The following WDR62 variants were observed in gnomAD, a reference collection of about 807,000 sequenced individuals.
WDR62 encodes the protein WD repeat domain 62.
In WDR62, 112 loss-of-function variants were observed where a neutral mutation model predicts 160.6. The ratio of observed to expected loss-of-function variants is 0.70; its 90% confidence interval spans 0.60 to 0.82. WDR62 has a LOEUF of 0.82. WDR62 is among the 40% of genes least tolerant of loss of function. The pLI, the probability that WDR62 is intolerant of heterozygous loss-of-function variation, is 0.00. For missense variants in WDR62, 1,819 were observed against 1,983.8 expected, an observed-to-expected ratio of 0.92 and a Z score of 1.58; for synonymous variants, 792 against 815.1, an observed-to-expected ratio of 0.97 and a Z score of 0.48.
At chr19:36,088,892 C>A in intron 13 of WDR62, 146 bp from the exon 14 acceptor site, 2 of 882,254 alleles carry the variant, frequency 2.3e-6, no homozygotes, top group Non-Finnish European at 3.6e-6. Flanking sequence ...CAGAGTCCCA[C>A]CCAGACCCAG....
chr19:36,090,840 AG>A lies in WDR62; in HGVS notation c.2034+326del, dbSNP rs554805485. On this transcript the variant is annotated intron_variant, in intron 16 of 31. Transcript: ENST00000401500. ...CACCAGCCACGGGTCACTCAGGACA[AG>A]GGGGGACCTTCTCAGAGCCTCTGGT... 3.0e-4 allele frequency among the ~76,000 whole-genome samples: 46 copies of A among 152,280 alleles called. 1 individual carries two copies. The South Asian group carries it at 9.1e-3, about 30-fold the overall frequency.
At chr19:36,108,926 T>C (rs1380969207), downstream of WDR62, among the ~76,000 whole-genome samples, 1 of 151,516 alleles carries the variant, frequency 6.6e-6, no homozygotes, top group Non-Finnish European at 1.5e-5. Context: ...GGCCCCATGC[T>C]AAGCATTCTC....
At chr19:36,084,096 C>G (rs1972063002) in intron 11 of WDR62, among the ~76,000 whole-genome samples, 1 of 152,108 alleles carries the variant, frequency 6.6e-6, no homozygotes, top group Non-Finnish European at 1.5e-5. Context: ...ACTGTGTTGA[C>G]TGATTTAATC....
intron 15 of WDR62, 21 bp from the exon 16 acceptor site, chr19:36,090,424 A>C: frequency 6.2e-7 from 1 of 1,613,812 alleles, no homozygotes; most frequent in Non-Finnish European, 8.5e-7. Context: ...TGTTGGCCGC[A>C]ACATGCCCCT....
chr19:36,063,684 C>T (rs1438103911), intron 3 of WDR62, among the ~76,000 whole-genome samples: 1 of 152,208 alleles, frequency 6.6e-6, no homozygotes, highest in Admixed American at 6.5e-5. Context: ...GTGCTGTGTT[C>T]TTCCTGGTGC....
chr19:36,076,609 T>A (rs1477953879), intron 9 of WDR62, among the ~76,000 whole-genome samples: 1 of 151,514 alleles, frequency 6.6e-6, no homozygotes, highest in Non-Finnish European at 1.5e-5. Flanking sequence ...TTTTTTTTAG[T>A]ACAAATTGGG....
Position 36,103,840 on chromosome 19 carries a change from A to C in WDR62, c.4012A>C (p.Arg1338=), listed in dbSNP as rs142105341. 110 of 1,605,100 alleles carry C rather than the reference A, an allele frequency of 6.9e-5. No homozygotes were observed. In the African/African-American group the frequency reaches 1.3e-3, roughly 18 times the overall value. ...TAGCCCTGTGGAAGAGAGCGCCCTG[A>C]GGCTCCACGGCTCTGCCTTTCGCCC... ...APSPVEESAL[R]LHGSAFRPSL... Residue 1338 remains arginine (R), a synonymous_variant, in exon 30 of 32, where the codon AGG becomes CGG. Transcript: ENST00000401500.
downstream of WDR62, among the ~76,000 whole-genome samples, chr19:36,106,560 C>G (rs1234745095): frequency 6.6e-6 from 1 of 152,016 alleles, no homozygotes; most frequent in Non-Finnish European, 1.5e-5. Flanking sequence ...GAAGGCCTTT[C>G]GAGGTGACAT....
At chr19:36,058,464 C>T (rs183823791) in intron 1 of WDR62, among the ~76,000 whole-genome samples, 1 of 152,288 alleles carries the variant, frequency 6.6e-6, no homozygotes, top group Non-Finnish European at 1.5e-5. Flanking sequence ...TTCTCTCTTG[C>T]ACCCATCATT....
chr19:36,097,549 C>G (rs1379286162), intron 21 of WDR62, among the ~76,000 whole-genome samples: 1 of 151,530 alleles, frequency 6.6e-6, no homozygotes, highest in Non-Finnish European at 1.5e-5. Flanking sequence ...CTACTACACT[C>G]CAGCGTGGGC....
At chr19:36,059,026 G>A (rs1275168061) in intron 2 of WDR62, 155 bp downstream of exon 2, 1 of 732,380 alleles carries the variant, frequency 1.4e-6, no homozygotes, top group Non-Finnish European at 2.5e-6. Context: ...GGATTCCATA[G>A]CCCCCTCTCT....
intron 7 of WDR62, among the ~76,000 whole-genome samples, chr19:36,068,457 A>G (rs1182855273): frequency 6.6e-6 from 1 of 152,148 alleles, no homozygotes; most frequent in Non-Finnish European, 1.5e-5. Flanking sequence ...TCAGCAGACA[A>G]ACAAGTGAAC....
chr19:36,083,222 G>A lies in WDR62; in HGVS notation c.1531G>A (p.Asp511Asn), dbSNP rs387907083. Residue 511 changes from aspartate to asparagine, a missense_variant, in exon 11 of 32, where the codon GAC becomes AAC. Around this residue, in one of 3 missense-constraint regions of WDR62, gnomAD observed 934 missense variants for 1,157.2 expected, o/e 0.81. Coordinates refer to ENST00000401500, the MANE Select transcript of WDR62 (RefSeq NM_001083961.2). Reference protein sequence around the residue: ...SPDGQHLASGDRSGNLRIHEL... With the variant: ...SPDGQHLASGNRSGNLRIHEL... ...TGACGGCCAGCATTTGGCTTCAGGCGACCGAAGTGGAAATCTGAGGCAAGT... is the reference window on the plus strand; with the variant it reads ...TGACGGCCAGCATTTGGCTTCAGGCAACCGAAGTGGAAATCTGAGGCAAGT... 11 of 1,602,366 alleles carry A rather than the reference G, an allele frequency of 6.9e-6. No homozygotes were observed. Among genetic ancestry groups the A allele is most frequent in the South Asian group, 2.2e-5 (2 of 89,174 alleles).
At chr19:36,085,992 G>C (rs1488797917) in intron 12 of WDR62, among the ~76,000 whole-genome samples, 1 of 152,018 alleles carries the variant, frequency 6.6e-6, no homozygotes, top group Non-Finnish European at 1.5e-5. Flanking sequence ...TCCTCAAGAT[G>C]TTTTCTAGGC....
chr19:36,084,623 G>A (rs751972200), intron 11 of WDR62, 30 bp from the exon 12 acceptor site: 2 of 1,609,524 alleles, frequency 1.2e-6, no homozygotes, highest in Non-Finnish European at 1.7e-6. Context: ...CTGGGGTGTG[G>A]GGCTTCAGCG....
Position 36,081,549 on chromosome 19 carries a change from G to A in WDR62, c.1350G>A (p.Trp450Ter). The change falls in exon 10 of 32, where the codon TGG (tryptophan) becomes TGA (stop). Residue 450 changes from tryptophan (W) to a stop codon, truncating the protein, a stop_gained. Coordinates refer to ENST00000401500, the MANE Select transcript of WDR62 (RefSeq NM_001083961.2). LOFTEE classifies it high-confidence loss of function. The part of the protein sequence containing the change: ...WNLDSSPDSH[W>*]QKNIFSNTLL... ...TGGACAGCAGCCCTGATTCTCACTG[G>A]CAGAAAAACATCTTCAGCAATGTGA... 1 of 1,614,132 alleles carries A rather than the reference G, an allele frequency of 6.2e-7. No homozygotes were observed. The highest frequency in any genetic ancestry group is 1.3e-5 in the African/African-American group (1 of 75,016).
At chr19:36,074,489 G>A (rs899181316) in intron 9 of WDR62, among the ~76,000 whole-genome samples, 1 of 152,004 alleles carries the variant, frequency 6.6e-6, no homozygotes, top group Non-Finnish European at 1.5e-5. Context: ...AGGAAACCCC[G>A]GCTTTACAAA....
chr19:36,109,735 AAAAAC>A (rs926139555), downstream of WDR62, among the ~76,000 whole-genome samples: 7 of 150,656 alleles, frequency 4.6e-5, no homozygotes, highest in East Asian at 3.9e-4. Flanking sequence ...ATCTGTCTCA[AAAAAC>A]AAAACAAAAC....
chr19:36,082,915 G>A (rs1411250152), intron 10 of WDR62, 148 bp from the exon 11 acceptor site: 4 of 700,928 alleles, frequency 5.7e-6, no homozygotes, highest in Non-Finnish European at 1.0e-5. Flanking sequence ...TGCAGGGGAG[G>A]CAAGGAAATA....
Sources: allele counts gnomAD v4.1 joint callset (sites outside exome capture counted in the v4.1 genomes callset), GRCh38; gene constraint gnomAD v4.1.1; regional missense constraint gnomAD v4.1.1; transcripts MANE v1.5; gene names NCBI Gene and HGNC (gene_info 2026-07-23, HGNC 2026-07-21).